PRKN: variants seen among roughly 807,000 people sequenced by gnomAD.
PRKN encodes E3 ubiquitin-protein ligase parkin.
Under a neutral mutation model 59.5 loss-of-function variants are expected in PRKN, and 56 were observed. The observed-to-expected ratio is 0.94, with a 90% CI of 0.76 to 1.18. The LOEUF (loss-of-function observed/expected upper bound fraction) is 1.18, where lower values mean the gene tolerates loss of function less well. Among genes scored for constraint, PRKN ranks in the 50% most tolerant of loss-of-function variants. The probability of loss-of-function intolerance (pLI) is 0.00; values close to 1 mark genes in which losing one functional copy is unlikely to be tolerated. For missense variants in PRKN, 657 were observed against 596.4 expected, an observed-to-expected ratio of 1.10 and a Z score of -1.06; for synonymous variants, 250 against 222.1, an observed-to-expected ratio of 1.13 and a Z score of -1.12.
chr6:161,772,131 A>G lies in PRKN; in HGVS notation c.871+13641T>C, dbSNP rs191860506. Among the ~76,000 whole-genome samples, 1,009 of 152,326 alleles carry G rather than the reference A, an allele frequency of 6.6e-3. 5 individuals are homozygous for G. The highest frequency in any genetic ancestry group is 0.01 in the Non-Finnish European group (702 of 68,034). On this transcript the variant is annotated intron_variant, in intron 7 of 11. Coordinates refer to ENST00000366898, the MANE Select transcript of PRKN (RefSeq NM_004562.3). ...GCCTGTGGGTGATGATGATGGCGGT[A>G]GTGATGAAGGAACGGAATCTACAGC... is the stretch of plus-strand genomic sequence containing the variant.
chr6:161,396,340 C>T lies in PRKN; in HGVS notation c.1084-9463G>A, dbSNP rs1025058927. Among the ~76,000 whole-genome samples, 3 of 152,082 alleles carry T rather than the reference C, an allele frequency of 2.0e-5. No individual in the cohort carries two copies. Among genetic ancestry groups the T allele is most frequent in the East Asian group, 3.9e-4 (2 of 5,176 alleles). ...CTGTTCATCTAAACAAACTTCTTGG[C>T]GGGCAAATTTCAATATCTAACTGAG... On this transcript the variant is annotated intron_variant, in intron 9 of 11. Transcript: ENST00000366898. The surrounding 1 kb of genome is among the most constrained non-coding windows in gnomAD (Gnocchi z 5.4).
Position 161,863,523 on chromosome 6 carries a change from T to C in PRKN, c.735-77615A>G, listed in dbSNP as rs187202783. ...GTCCTACTCTTAAGAAAAGTGAGTT[T>C]AGAAAGATATTTGCTCATGTGGTTT... On this transcript the variant is annotated intron_variant, in intron 6 of 11. Transcript: ENST00000366898. Among the ~76,000 whole-genome samples, 376 of 151,670 alleles carry C rather than the reference T, an allele frequency of 2.5e-3. 1 individual carries two copies. Among genetic ancestry groups the C allele is most frequent in the Admixed American group, 5.2e-3 (80 of 15,276 alleles).
chr6:162,009,418 A>G (rs1024060899), intron 5 of PRKN, among the ~76,000 whole-genome samples: 1 of 151,934 alleles, frequency 6.6e-6, no homozygotes, highest in South Asian at 2.1e-4. Context: ...TGAAACACCT[A>G]CATGACAATT....
chr6:162,370,664 T>C (rs1183896283), intron 2 of PRKN, among the ~76,000 whole-genome samples: 1 of 152,216 alleles, frequency 6.6e-6, no homozygotes, highest in Admixed American at 6.5e-5. Context: ...CGTTTACTTA[T>C]TCCATGCAAT....
At chr6:162,547,568 CAGTT>C (rs879725224) in intron 1 of PRKN, among the ~76,000 whole-genome samples, 23 of 151,952 alleles carry the variant, frequency 1.5e-4, no homozygotes, top group Non-Finnish European at 3.2e-4. Flanking sequence ...CCCAATGTCA[CAGTT>C]AGTTATTATT....
At chr6:162,265,791 G>C (rs1780102789) in intron 2 of PRKN, among the ~76,000 whole-genome samples, 1 of 152,166 alleles carries the variant, frequency 6.6e-6, no homozygotes, top group African/African-American at 2.4e-5. Flanking sequence ...GCATGAAGCA[G>C]GGACCCGCAG....
intron 5 of PRKN, among the ~76,000 whole-genome samples, chr6:162,043,067 G>A (rs1224416435): frequency 1.3e-5 from 2 of 152,142 alleles, no homozygotes; most frequent in African/African-American, 4.8e-5. Context: ...TTCTTACATG[G>A]CAGTGGCAAG....
chr6:161,435,193 G>GA (rs1465432094), intron 9 of PRKN, among the ~76,000 whole-genome samples: 2 of 152,044 alleles, frequency 1.3e-5, no homozygotes, highest in Non-Finnish European at 2.9e-5. Context: ...AGATTTGCCA[G>GA]AAAAAAGAGA....
chr6:161,924,453 G>C (rs1307406908), intron 6 of PRKN, among the ~76,000 whole-genome samples: 2 of 152,148 alleles, frequency 1.3e-5, no homozygotes, highest in East Asian at 1.9e-4. Context: ...GGTCAATTTT[G>C]AAAGGCTAGT....
intron 7 of PRKN, among the ~76,000 whole-genome samples, chr6:161,669,409 C>A (rs1362881886): frequency 6.6e-6 from 1 of 152,220 alleles, no homozygotes; most frequent in Non-Finnish European, 1.5e-5. Flanking sequence ...CCAGTCAGTG[C>A]CTCCCCTGCA....
intron 6 of PRKN, among the ~76,000 whole-genome samples, chr6:161,832,713 C>T (rs1020883151): frequency 1.3e-5 from 2 of 151,608 alleles, no homozygotes; most frequent in Non-Finnish European, 2.9e-5. Context: ...TGGTGTCTTA[C>T]AGCCACACAG....
chr6:162,639,876 T>C (rs1166408071), intron 1 of PRKN, among the ~76,000 whole-genome samples: 1 of 152,158 alleles, frequency 6.6e-6, no homozygotes, highest in East Asian at 1.9e-4. Flanking sequence ...AGCCTTATAG[T>C]ATTGAGCAAC....
intron 2 of PRKN, among the ~76,000 whole-genome samples, chr6:162,433,340 A>G (rs1789625130): frequency 6.6e-6 from 1 of 152,186 alleles, no homozygotes; most frequent in South Asian, 2.1e-4. Context: ...CTGACTTTAG[A>G]GTGATTCATA....
intron 9 of PRKN, among the ~76,000 whole-genome samples, chr6:161,486,366 T>C (rs1411005452): frequency 6.6e-6 from 1 of 152,180 alleles, no homozygotes; most frequent in Non-Finnish European, 1.5e-5. Flanking sequence ...GTATATGTTG[T>C]TTTTGTTTCT....
intron 3 of PRKN, among the ~76,000 whole-genome samples, chr6:162,208,256 C>T (rs1192120813): frequency 6.6e-6 from 1 of 152,188 alleles, no homozygotes; most frequent in Admixed American, 6.5e-5. Context: ...GAGCCATAAA[C>T]TTAACTCCTG....
intron 2 of PRKN, among the ~76,000 whole-genome samples, chr6:162,427,860 A>G (rs541917538): frequency 3.3e-5 from 5 of 152,214 alleles, no homozygotes; most frequent in Admixed American, 6.5e-5. Context: ...TGTATTTTTT[A>G]AAGTATAAAA....
chr6:162,594,815 C>T (rs1781439393), intron 1 of PRKN, among the ~76,000 whole-genome samples: 1 of 152,180 alleles, frequency 6.6e-6, no homozygotes, highest in African/African-American at 2.4e-5. Flanking sequence ...ACTTCCTTTG[C>T]TTTTCCTGTG....
intron 3 of PRKN, among the ~76,000 whole-genome samples, chr6:162,216,333 A>G (rs1251683413): frequency 3.0e-4 from 45 of 151,546 alleles, no homozygotes; most frequent in Admixed American, 2.8e-3. Flanking sequence ...GATCGAGATC[A>G]TCCTGGCTAA....
At position 162,472,081 on chromosome 6, in the gene PRKN, G is replaced by T. The variant is rs151304319; in HGVS notation, c.8-28608C>A. Among the ~76,000 whole-genome samples, 248 of 152,270 alleles carry T rather than the reference G, an allele frequency of 1.6e-3. 2 individuals carry two copies. The highest frequency in any genetic ancestry group is 2.9e-3 in the Non-Finnish European group (197 of 68,024). On this transcript the variant is annotated intron_variant, in intron 1 of 11. Coordinates refer to ENST00000366898, the MANE Select transcript of PRKN (RefSeq NM_004562.3). ...CTGGGGAACGCTTTGTGGATGGAAT[G>T]ACTACATAATAACAGGAAAACTCTA...
Sources: allele counts gnomAD v4.1 joint callset (sites outside exome capture counted in the v4.1 genomes callset), GRCh38; gene constraint gnomAD v4.1.1; non-coding constraint Gnocchi (gnomAD v3.1); transcripts MANE v1.5; gene names NCBI Gene and HGNC (gene_info 2026-07-23, HGNC 2026-07-21).